ATG7: variants seen among roughly 807,000 people sequenced by gnomAD.
The protein encoded by ATG7 is ubiquitin-like modifier-activating enzyme ATG7.
A neutral mutation model predicts 82.4 loss-of-function variants in ATG7; 70 were observed. The observed-to-expected ratio is 0.85, with a 90% CI of 0.70 to 1.04. The LOEUF (loss-of-function observed/expected upper bound fraction) is 1.04, where lower values mean the gene tolerates loss of function less well. Ranked by LOEUF, ATG7 falls within the 50% of genes least tolerant of loss-of-function variation. The pLI is 0.00. For synonymous variants in ATG7, 287 were observed against 313.0 expected (o/e 0.92, Z 0.88); for missense variants, 792 against 864.3 (o/e 0.92, Z 1.05).
At position 11,340,625 on chromosome 3, in the gene ATG7, T is replaced by A. The variant is rs1237254407; in HGVS notation, c.890-20T>A. ...TATTCTTCCCTCCTTCATTAAACTT[T>A]GTGTTTTATTTGCCTTAAGATTGTC... On this transcript the variant is annotated intron_variant, in intron 11 of 20. Transcript: ENST00000693202. 11 of 1,601,944 alleles carry A rather than the reference T, an allele frequency of 6.9e-6. No homozygotes were observed. The highest frequency in any genetic ancestry group is 9.4e-6 in the Non-Finnish European group (11 of 1,170,102).
intron 20 of ATG7, among the ~76,000 whole-genome samples, chr3:11,497,978 CT>C (rs1196839047): frequency 1.3e-5 from 2 of 152,102 alleles, no homozygotes; most frequent in Non-Finnish European, 2.9e-5. Flanking sequence ...CGTGAGCCTT[CT>C]TTGGAGATTT....
intron 20 of ATG7, among the ~76,000 whole-genome samples, chr3:11,494,859 G>A (rs145375362): frequency 8.5e-5 from 13 of 152,256 alleles, no homozygotes; most frequent in Non-Finnish European, 1.6e-4. Context: ...GGATCACGAG[G>A]TCAGGAGTTC....
intron 20 of ATG7, among the ~76,000 whole-genome samples, chr3:11,435,451 A>G (rs1453253018): frequency 6.6e-6 from 1 of 152,210 alleles, no homozygotes; most frequent in East Asian, 1.9e-4. Context: ...GCTTCCGAAG[A>G]TGAGTTCCAA....
intron 16 of ATG7, among the ~76,000 whole-genome samples, chr3:11,361,286 CTTTT>C (rs760437157): frequency 2.2e-5 from 3 of 139,078 alleles, no homozygotes; most frequent in Admixed American, 7.3e-5. Flanking sequence ...ATAATGAATT[CTTTT>C]TTTTTTTTTT....
intron 20 of ATG7, chr3:11,510,091 C>G (rs986562847): frequency 8.5e-6 from 3 of 351,140 alleles, no homozygotes; most frequent in African/African-American, 4.3e-5. Context: ...ATCTTCTGCC[C>G]CTCCCCCAGC....
chr3:11,382,579 T>A (rs895533979), intron 19 of ATG7, among the ~76,000 whole-genome samples: 2 of 152,184 alleles, frequency 1.3e-5, no homozygotes, highest in African/African-American at 4.8e-5. Flanking sequence ...GTCAATGAAA[T>A]TTCAAAAGAC....
chr3:11,532,610 C>G (rs2092713937), intron 20 of ATG7, among the ~76,000 whole-genome samples: 1 of 152,142 alleles, frequency 6.6e-6, no homozygotes, highest in Admixed American at 6.5e-5. Flanking sequence ...GTGGTTTCAG[C>G]TACTCAAGAG....
At chr3:11,571,192 CCATCCTCGCTGGCAGGGACA>C in the ATG7 span, among the ~76,000 whole-genome samples, 2 of 152,180 alleles carry the variant, frequency 1.3e-5, no homozygotes, top group Non-Finnish European at 2.9e-5. Context: ...ATAGCGGGGT[CCATCCTCGCTGGCAGGGACA>C]CAGGGCAGAG....
intron 19 of ATG7, among the ~76,000 whole-genome samples, chr3:11,384,716 T>C (rs1559511977): frequency 6.6e-6 from 1 of 152,164 alleles, no homozygotes; most frequent in Non-Finnish European, 1.5e-5. Flanking sequence ...TCCCAGCACT[T>C]TGTGGGGGCT....
intron 20 of ATG7, among the ~76,000 whole-genome samples, chr3:11,481,833 C>T (rs36103383): frequency 0.16 from 23,805 of 152,050 alleles, 1,999 homozygotes; most frequent in South Asian, 0.31. Flanking sequence ...CTTTGTGGAC[C>T]GCAGTTTATT....
At chr3:11,500,943 A>AT (rs1453207418) in intron 20 of ATG7, among the ~76,000 whole-genome samples, 1 of 152,182 alleles carries the variant, frequency 6.6e-6, no homozygotes, top group Non-Finnish European at 1.5e-5. Context: ...AAGTTTTTGT[A>AT]TAAATAACAG....
At position 11,276,722 on chromosome 3, in the gene ATG7, G is replaced by A. The variant is rs116684739; in HGVS notation, c.-365-4272G>A. On this transcript the variant is annotated intron_variant, in intron 1 of 20. Transcript: ENST00000693202. ...CTTTGTATTATCTCTCTGGCCATTTGTCCCTCAATTTCCATTGTGGGCTCC... is the reference window on the plus strand; with the variant it reads ...CTTTGTATTATCTCTCTGGCCATTTATCCCTCAATTTCCATTGTGGGCTCC... Among the ~76,000 whole-genome samples, 925 of 152,196 alleles carry A rather than the reference G, an allele frequency of 6.1e-3. 4 individuals are homozygous for A. The highest frequency in any genetic ancestry group is 0.031 in the Middle Eastern group (9 of 294).
chr3:11,475,909 C>CACACACACACACACACCCCCA (rs1479988312), intron 20 of ATG7, among the ~76,000 whole-genome samples: 1 of 104,698 alleles, frequency 9.6e-6, no homozygotes, highest in Admixed American at 8.7e-5. Context: ...ACACACACAC[C>CACACACACACACACACCCCCA]CCCTCCCAGA....
At chr3:11,343,670 T>G (rs925303517) in intron 13 of ATG7, among the ~76,000 whole-genome samples, 6 of 152,184 alleles carry the variant, frequency 3.9e-5, no homozygotes, top group African/African-American at 1.4e-4. Flanking sequence ...GGTTACATGA[T>G]AAGGGGTAAA....
At chr3:11,445,498 A>G (rs1329167270) in intron 20 of ATG7, among the ~76,000 whole-genome samples, 12 of 152,154 alleles carry the variant, frequency 7.9e-5, no homozygotes, top group Admixed American at 7.9e-4. Context: ...ACATGGACAC[A>G]TGGGAACAAC....
At chr3:11,474,795 C>T (rs564848052) in intron 20 of ATG7, among the ~76,000 whole-genome samples, 2 of 152,084 alleles carry the variant, frequency 1.3e-5, no homozygotes, top group African/African-American at 4.8e-5. Flanking sequence ...AGATGACCCT[C>T]GTCTAGGCGG....
At chr3:11,503,759 A>G (rs1241409509) in intron 20 of ATG7, among the ~76,000 whole-genome samples, 20 of 147,918 alleles carry the variant, frequency 1.4e-4, no homozygotes, top group African/African-American at 4.4e-4. Flanking sequence ...CTGTCTCAAA[A>G]AAAAAAAAAA....
chr3:11,451,815 C>T (rs1276635796), intron 20 of ATG7, among the ~76,000 whole-genome samples: 1 of 150,628 alleles, frequency 6.6e-6, no homozygotes, highest in African/African-American at 2.4e-5. Flanking sequence ...TAAAAAAACC[C>T]CAGGCTGCCC....
chr3:11,566,970 T>C, the ATG7 span, among the ~76,000 whole-genome samples: 1 of 151,956 alleles, frequency 6.6e-6, no homozygotes, highest in East Asian at 1.9e-4. Flanking sequence ...GGCAGAATCA[T>C]GGAGAGCTGG....
Sources: gnomAD v4.1 joint callset for allele counts (sites outside exome capture counted in the v4.1 genomes callset) on GRCh38, gnomAD v4.1.1 for gene constraint, MANE v1.5 for transcripts, NCBI Gene and HGNC (gene_info 2026-07-23, HGNC 2026-07-21) for gene names.